SGCD: variants seen among roughly 807,000 people sequenced by gnomAD.
SGCD encodes the protein delta-sarcoglycan.
SGCD carries 18 observed loss-of-function variants against 36.6 expected under a neutral mutation model. The observed-to-expected ratio is 0.49, with a 90% confidence interval of 0.34 to 0.73. The LOEUF (loss-of-function observed/expected upper bound fraction) is 0.73, where lower values mean the gene tolerates loss of function less well. Among genes scored for constraint, SGCD ranks in the 30% least tolerant of loss-of-function variants. The pLI is 0.01. For synonymous variants in SGCD, 133 were observed against 130.6 expected (o/e 1.02, Z -0.12); for missense variants, 387 against 346.7 (o/e 1.12, Z -0.92).
At chr5:155,751,568 TG>T in the SGCD span, among the ~76,000 whole-genome samples, 268 of 152,166 alleles carry the variant, frequency 1.8e-3, 2 homozygotes, top group African/African-American at 6.2e-3. Flanking sequence ...TCTATATTTT[TG>T]GTAGAGATGG....
chr5:156,491,626 CATAA>C (rs769310033), intron 3 of SGCD, among the ~76,000 whole-genome samples: 108 of 152,094 alleles, frequency 7.1e-4, no homozygotes, highest in Admixed American at 1.0e-3. Flanking sequence ...AAAACATAAA[CATAA>C]ATAAAGATAA....
chr5:155,960,774 A>G lies in SGCD; in HGVS notation c.-282+90350A>G, dbSNP rs370594740. Among the ~76,000 whole-genome samples, 99 of 152,200 alleles carry G rather than the reference A, an allele frequency of 6.5e-4. 2 individuals carry two copies. In the South Asian group the frequency reaches 0.02, roughly 31 times the overall value. On this transcript the variant is annotated intron_variant, in intron 1 of 9. Transcript: ENST00000517913. ...GCATATCTCAATGAGTTCACACAAGAAATTCCTTATGGAAAATCCACAATG... is the reference window on the plus strand; with the variant it reads ...GCATATCTCAATGAGTTCACACAAGGAATTCCTTATGGAAAATCCACAATG...
At chr5:156,113,405 GAAT>G (rs1761836290) in intron 1 of SGCD, among the ~76,000 whole-genome samples, 3 of 152,052 alleles carry the variant, frequency 2.0e-5, no homozygotes, top group Admixed American at 2.0e-4. Context: ...CAGGGACTGG[GAAT>G]ACAGCAAGCA....
chr5:155,794,795 TA>T, the SGCD span, among the ~76,000 whole-genome samples: 1 of 151,952 alleles, frequency 6.6e-6, no homozygotes, highest in East Asian at 1.9e-4. Flanking sequence ...TCAAATATGA[TA>T]AAAAATATTT....
intron 1 of SGCD, among the ~76,000 whole-genome samples, chr5:155,934,285 C>T (rs1757154303): frequency 6.6e-6 from 1 of 152,152 alleles, no homozygotes; most frequent in Non-Finnish European, 1.5e-5. Flanking sequence ...ATTTATTTTC[C>T]TTGATGAGCA....
intron 1 of SGCD, among the ~76,000 whole-genome samples, chr5:156,111,630 A>C (rs2127599539): frequency 6.6e-6 from 1 of 151,876 alleles, no homozygotes; most frequent in South Asian, 2.1e-4. Flanking sequence ...TCCATATGAG[A>C]GGCCCTGATG....
chr5:156,107,456 T>C (rs1761676064), intron 1 of SGCD, among the ~76,000 whole-genome samples: 1 of 152,208 alleles, frequency 6.6e-6, no homozygotes, highest in Non-Finnish European at 1.5e-5. Flanking sequence ...TCTTCATTTA[T>C]AATTCTGTTC....
chr5:156,402,236 A>G (rs1200170551), intron 3 of SGCD, among the ~76,000 whole-genome samples: 1 of 152,188 alleles, frequency 6.6e-6, no homozygotes, highest in African/African-American at 2.4e-5. Context: ...TTCATGCACA[A>G]ATATCTGTTG....
At chr5:156,288,729 A>T (rs1766680766) in intron 3 of SGCD, among the ~76,000 whole-genome samples, 1 of 151,996 alleles carries the variant, frequency 6.6e-6, no homozygotes, top group South Asian at 2.1e-4. Context: ...TTTTTTCCTG[A>T]CATTTTTCAG....
At chr5:156,608,313 T>C (rs187719094) in intron 6 of SGCD, among the ~76,000 whole-genome samples, 2,662 of 152,340 alleles carry the variant, frequency 0.017, 31 homozygotes, top group Non-Finnish European at 0.029. Flanking sequence ...CCAGTAGTCA[T>C]TCAGGAGCAG....
chr5:156,442,739 A>G (rs1369900474), intron 3 of SGCD, among the ~76,000 whole-genome samples: 1 of 152,220 alleles, frequency 6.6e-6, no homozygotes, highest in Non-Finnish European at 1.5e-5. Context: ...TAAGTTAATA[A>G]ACATACTTTG....
chr5:156,456,957 C>A (rs1257232988), intron 3 of SGCD, among the ~76,000 whole-genome samples: 1 of 151,988 alleles, frequency 6.6e-6, no homozygotes, highest in Non-Finnish European at 1.5e-5. Flanking sequence ...CACATTAAAC[C>A]AAAAGTAACT....
chr5:156,221,925 G>T (rs1191179808), intron 3 of SGCD, among the ~76,000 whole-genome samples: 5 of 151,990 alleles, frequency 3.3e-5, no homozygotes, highest in African/African-American at 1.2e-4. Context: ...AGGTAAACTT[G>T]ACTTTTCATT....
At chr5:155,779,059 G>T in the SGCD span, among the ~76,000 whole-genome samples, 1 of 152,096 alleles carries the variant, frequency 6.6e-6, no homozygotes, top group Non-Finnish European at 1.5e-5. Context: ...ATCTCTACTG[G>T]AATGTATGTT....
At chr5:156,262,329 T>C (rs1765890329) in intron 3 of SGCD, among the ~76,000 whole-genome samples, 1 of 152,164 alleles carries the variant, frequency 6.6e-6, no homozygotes, top group Non-Finnish European at 1.5e-5. Context: ...ATCATTGCAT[T>C]ACAGTTGCCT....
the SGCD span, among the ~76,000 whole-genome samples, chr5:155,841,949 A>T: frequency 6.6e-6 from 1 of 152,196 alleles, no homozygotes; most frequent in Non-Finnish European, 1.5e-5. Flanking sequence ...CTAGATCAAT[A>T]GAAATCCTTT....
chr5:156,236,801 G>A (rs944226042), intron 3 of SGCD, among the ~76,000 whole-genome samples: 1 of 151,376 alleles, frequency 6.6e-6, no homozygotes, highest in African/African-American at 2.4e-5. Context: ...AAAGGAACAA[G>A]GTTGTAACCA....
At chr5:156,533,061 A>T (rs972816422) in intron 4 of SGCD, among the ~76,000 whole-genome samples, 4 of 152,102 alleles carry the variant, frequency 2.6e-5, no homozygotes, top group African/African-American at 9.7e-5. Context: ...TTACAGGTTG[A>T]TCTGTGCTGC....
chr5:155,959,364 G>A (rs1757741708), intron 1 of SGCD, among the ~76,000 whole-genome samples: 1 of 152,100 alleles, frequency 6.6e-6, no homozygotes, highest in African/African-American at 2.4e-5. Flanking sequence ...TTTTCTCCAA[G>A]TCTGTAGCCT....
Sources: gnomAD v4.1 joint callset for allele counts (sites outside exome capture counted in the v4.1 genomes callset) on GRCh38, gnomAD v4.1.1 for gene constraint, MANE v1.5 for transcripts, NCBI Gene and HGNC (gene_info 2026-07-23, HGNC 2026-07-21) for gene names.